Variants in TSPAN12 observed in about 807,000 individuals in gnomAD.
TSPAN12 encodes the protein tetraspanin-12.
Under a neutral mutation model 39.2 loss-of-function variants are expected in TSPAN12, and 19 were observed. The observed-to-expected ratio is 0.49, with a 90% CI of 0.34 to 0.71. The LOEUF is 0.71. Ranked by LOEUF, TSPAN12 falls within the 30% of genes least tolerant of loss-of-function variation. TSPAN12 has a pLI of 0.01. For missense variants in TSPAN12, 314 were observed against 359.9 expected (o/e 0.87, Z 1.03); for synonymous variants, 119 against 124.8 (o/e 0.95, Z 0.31).
rs1191816455 is a variant in TSPAN12, at chr7:120,836,644, C to CA, written c.285+2132dup. Among the ~76,000 whole-genome samples, 149 of 152,098 alleles carry CA rather than the reference C, an allele frequency of 9.8e-4. 1 individual carries two copies. Among genetic ancestry groups the CA allele is most frequent in the Non-Finnish European group, 5.9e-5 (4 of 67,988 alleles). On this transcript the variant is annotated intron_variant, in intron 4 of 7. Transcript: ENST00000222747. ...TATCTCATAAAGACAGGTCTGATAG[C>CA]AAAAATTGGTGGTATACATGATCAG...
chr7:120,845,571 A>C (rs1485748694), intron 2 of TSPAN12, among the ~76,000 whole-genome samples: 1 of 152,166 alleles, frequency 6.6e-6, no homozygotes, highest in African/African-American at 2.4e-5. Context: ...GATTACCCTA[A>C]ATCATCACTC....
At chr7:120,848,239 T>A (rs749577285) in intron 2 of TSPAN12, among the ~76,000 whole-genome samples, 3 of 152,188 alleles carry the variant, frequency 2.0e-5, no homozygotes. Context: ...TCCCTCTTAA[T>A]GCTCTTTGCA....
rs72607703 is a variant in TSPAN12, at chr7:120,822,730, C to T, written c.286-6927G>A. On this transcript the variant is annotated intron_variant, in intron 4 of 7. Transcript: ENST00000222747. The stretch of plus-strand genomic sequence containing the variant: ...ACCTCCCCCAAACACAGGCCCCTCT[C>T]TCATCCTATGCAGCAGGGTGACTAC... Among the ~76,000 whole-genome samples, 1,091 of 152,194 alleles carry T rather than the reference C, an allele frequency of 7.2e-3. 71 individuals carry two copies. In the East Asian group the frequency reaches 0.14, roughly 20 times the overall value.
At chr7:120,805,684 A>G (rs1207534599) in intron 7 of TSPAN12, among the ~76,000 whole-genome samples, 2 of 152,072 alleles carry the variant, frequency 1.3e-5, no homozygotes, top group Non-Finnish European at 2.9e-5. Flanking sequence ...TTATGTGATG[A>G]TAGAAATGTC....
At chr7:120,789,774 T>C (rs1252562453) in intron 7 of TSPAN12, among the ~76,000 whole-genome samples, 1 of 152,118 alleles carries the variant, frequency 6.6e-6, no homozygotes, top group African/African-American at 2.4e-5. Context: ...GCTGTAGACA[T>C]AGACAAGCAA....
At position 120,857,279 on chromosome 7, in the gene TSPAN12, C is replaced by T. The variant is rs554841942; in HGVS notation, c.-70-446G>A. ...ACCGGCAAGCCCGAGAGAATGAGCG[C>T]CCTTCTAGTTAGGACAGTTCCTGGG... On this transcript the variant is annotated intron_variant, in intron 1 of 7. Transcript: ENST00000222747. The T allele has an allele frequency of 1.8e-3, 444 of 249,152 alleles. 1 individual carries two copies. Among genetic ancestry groups the T allele is most frequent in the Non-Finnish European group, 2.5e-3 (323 of 126,732 alleles). 15.4% of individuals were successfully genotyped at this position (249,152 alleles called of 1,614,324 possible).
At chr7:120,805,197 C>T (rs983793936) in intron 7 of TSPAN12, among the ~76,000 whole-genome samples, 3 of 152,158 alleles carry the variant, frequency 2.0e-5, no homozygotes, top group Non-Finnish European at 4.4e-5. Flanking sequence ...GTGACATATT[C>T]TTGTCTTCTG....
intron 2 of TSPAN12, among the ~76,000 whole-genome samples, chr7:120,846,023 T>C (rs766124016): frequency 6.6e-6 from 1 of 152,208 alleles, no homozygotes; most frequent in Non-Finnish European, 1.5e-5. Context: ...ACAGGAAGCA[T>C]GGCTGGGGAG....
At position 120,857,820 on chromosome 7, in the gene TSPAN12, C is replaced by T. The variant is rs1284002263; in HGVS notation, c.-71G>A. On this transcript the variant is annotated splice_region_variant and 5_prime_UTR_variant, in exon 1 of 8. Coordinates refer to ENST00000222747, the MANE Select transcript of TSPAN12 (RefSeq NM_012338.4). ...AGGCGACAGACGCGTGGCCACTTAC[C>T]GTCGGCGCTGGGCCCGGTGCCCCAC... 1 of 152,206 alleles carries T rather than the reference C, an allele frequency of 6.6e-6. No homozygotes were observed. Among genetic ancestry groups the T allele is most frequent in the African/African-American group, 2.4e-5 (1 of 41,392 alleles). The allele number at this position is 152,206 out of a possible 1,614,324, so 9.4% of individuals were successfully genotyped here.
chr7:120,821,430 A>T (rs1280439651), intron 4 of TSPAN12, among the ~76,000 whole-genome samples: 2 of 87,704 alleles, frequency 2.3e-5, no homozygotes, highest in African/African-American at 4.6e-5. Flanking sequence ...TTGTTGACTT[A>T]AAAAAAAAAA....
At chr7:120,841,388 A>C (rs1032151031) in intron 2 of TSPAN12, among the ~76,000 whole-genome samples, 19 of 152,116 alleles carry the variant, frequency 1.2e-4, no homozygotes, top group African/African-American at 4.3e-4. Flanking sequence ...AGGACAAATG[A>C]CCTGCTTTCT....
At chr7:120,821,836 C>G (rs1206611606) in intron 4 of TSPAN12, among the ~76,000 whole-genome samples, 1 of 152,094 alleles carries the variant, frequency 6.6e-6, no homozygotes, top group Admixed American at 6.6e-5. Flanking sequence ...AATTGCTCAT[C>G]CTCCTGAGAC....
intron 4 of TSPAN12, among the ~76,000 whole-genome samples, chr7:120,836,372 C>T (rs1218883415): frequency 6.6e-6 from 1 of 152,052 alleles, no homozygotes; most frequent in East Asian, 1.9e-4. Context: ...GAACGAACAG[C>T]CAAAGGCAAT....
In TSPAN12 at chr7:120,787,415, C is replaced by T. The variant is rs2116267833; in HGVS notation, c.*1177G>A. ...ACAAAATACAGTAAAATGCACTTTT[C>T]CCATTTCAAATAAATATACTATACT... On this transcript the variant is annotated 3_prime_UTR_variant, in exon 8 of 8. Coordinates refer to ENST00000222747, the MANE Select transcript of TSPAN12 (RefSeq NM_012338.4). 6.6e-6 allele frequency: 1 copy of T among 152,608 alleles called. No individual in the cohort carries two copies. Among genetic ancestry groups the T allele is most frequent in the Admixed American group, 6.5e-5 (1 of 15,288 alleles). The allele number at this position is 152,608 out of a possible 1,614,324, so 9.5% of individuals were successfully genotyped here. A position where few individuals can be genotyped will look rare whatever the true frequency, so the allele number is the denominator to read the frequency against.
intron 4 of TSPAN12, among the ~76,000 whole-genome samples, chr7:120,827,074 T>C (rs1794302221): frequency 6.6e-6 from 1 of 152,060 alleles, no homozygotes; most frequent in South Asian, 2.1e-4. Context: ...AGTTAGGAAA[T>C]GAGAAGTTTT....
intron 2 of TSPAN12, among the ~76,000 whole-genome samples, chr7:120,856,412 T>C (rs945248871): frequency 6.6e-6 from 1 of 152,232 alleles, no homozygotes; most frequent in African/African-American, 2.4e-5. Context: ...AATTTTCTTA[T>C]CTATGAGTAG....
chr7:120,837,532 T>C (rs1794501619), intron 4 of TSPAN12, among the ~76,000 whole-genome samples: 1 of 152,286 alleles, frequency 6.6e-6, no homozygotes, highest in Non-Finnish European at 1.5e-5. Context: ...CAGGATGGTC[T>C]TGATTTCTTG....
chr7:120,843,415 C>A (rs1281084044), intron 2 of TSPAN12, among the ~76,000 whole-genome samples: 1 of 152,170 alleles, frequency 6.6e-6, no homozygotes, highest in Non-Finnish European at 1.5e-5. Flanking sequence ...TTTTCAAATA[C>A]AAACCATGCA....
At chr7:120,791,030 A>C (rs1404367482) in intron 7 of TSPAN12, among the ~76,000 whole-genome samples, 2 of 152,126 alleles carry the variant, frequency 1.3e-5, no homozygotes, top group African/African-American at 4.8e-5. Flanking sequence ...AATAGATTTC[A>C]GAATTAGAGG....
Sources: gnomAD v4.1 joint callset for allele counts (sites outside exome capture counted in the v4.1 genomes callset) on GRCh38, gnomAD v4.1.1 for gene constraint, MANE v1.5 for transcripts, NCBI Gene and HGNC (gene_info 2026-07-23, HGNC 2026-07-21) for gene names.